SLC20A1: variants seen among roughly 807,000 people sequenced by gnomAD.
The protein encoded by SLC20A1 is sodium-dependent phosphate transporter 1.
Under a neutral mutation model 62.7 loss-of-function variants are expected in SLC20A1, and 28 were observed. The observed-to-expected ratio is 0.45, with a 90% CI of 0.33 to 0.61. The LOEUF (loss-of-function observed/expected upper bound fraction) is 0.61, where lower values mean the gene tolerates loss of function less well. Ranked by LOEUF, SLC20A1 falls within the 20% of genes least tolerant of loss-of-function variation. The pLI is 0.02. For missense variants in SLC20A1, 673 were observed against 838.6 expected, an observed-to-expected ratio of 0.80 and a Z score of 2.44; for synonymous variants, 305 against 302.9, an observed-to-expected ratio of 1.01 and a Z score of -0.07.
chr2:112,651,845 T>C (rs931934219), intron 4 of SLC20A1: 2 of 152,248 alleles, frequency 1.3e-5, no homozygotes, highest in African/African-American at 4.8e-5. Context: ...GCCTTTGCAT[T>C]TGCTGATATC....
chr2:112,646,699 C>A lies in SLC20A1; in HGVS notation c.-130C>A. On this transcript the variant is annotated 5_prime_UTR_variant, in exon 2 of 11. Coordinates refer to ENST00000272542, the MANE Select transcript of SLC20A1 (RefSeq NM_005415.5). ...TAACTCCCCAGCTCGGTTTCTGTGC[C>A]GTAGTTTACAGTATTTAATTTTATA... 2.7e-6 allele frequency: 1 copy of A among 367,080 alleles called. No individual in the cohort carries two copies. Among genetic ancestry groups the A allele is most frequent in the Non-Finnish European group, 4.4e-6 (1 of 225,622 alleles). 22.7% of individuals were successfully genotyped at this position (367,080 alleles called of 1,614,324 possible).
Position 112,663,067 on chromosome 2 carries a change from C to T in SLC20A1, c.*42C>T, listed in dbSNP as rs370981643. 6.7e-5 allele frequency: 107 copies of T among 1,602,984 alleles called. No individual in the cohort carries two copies. Among genetic ancestry groups the T allele is most frequent in the Non-Finnish European group, 8.7e-5 (102 of 1,170,322 alleles). ...AATTTGTGTCAATGTTTGGGACCAT[C>T]TTAGGTATTCCTGCTCCCCTGAAGA... is the stretch of plus-strand genomic sequence containing the variant. On this transcript the variant is annotated 3_prime_UTR_variant, in exon 11 of 11. Transcript: ENST00000272542.
intron 4 of SLC20A1, among the ~76,000 whole-genome samples, chr2:112,650,831 T>G (rs1327716239): frequency 6.6e-6 from 1 of 151,984 alleles, no homozygotes; most frequent in Non-Finnish European, 1.5e-5. Context: ...CTCTGTTGCT[T>G]AAGTTGGTCT....
intron 9 of SLC20A1, chr2:112,660,916 G>T (rs1349497877): frequency 4.0e-6 from 2 of 501,858 alleles, no homozygotes; most frequent in Non-Finnish European, 7.1e-6. Context: ...TTATTTAATA[G>T]TGGGATTCCA....
At chr2:112,659,957 T>A (rs1686702758) in intron 8 of SLC20A1, among the ~76,000 whole-genome samples, 195 bp downstream of exon 8, 1 of 152,250 alleles carries the variant, frequency 6.6e-6, no homozygotes. Context: ...AAAGAATGTT[T>A]ATTTTTGTAG....
In SLC20A1 at chr2:112,659,561, A is replaced by G. The variant is rs769131606; in HGVS notation, c.1406A>G (p.Asn469Ser). The change falls in exon 8 of 11, where the codon AAT (asparagine) becomes AGT (serine). Residue 469 changes from asparagine to serine, a missense_variant. Coordinates refer to ENST00000272542, the MANE Select transcript of SLC20A1 (RefSeq NM_005415.5). ...IRMDSYTSYC[N>S]AVSDLHSASE... ...ATGGACAGTTACACCAGTTACTGCA[A>G]TGCTGTGTCTGACCTTCACTCAGCA... The G allele has an allele frequency of 1.2e-6, 2 of 1,614,250 alleles. No homozygotes were observed. The highest frequency in any genetic ancestry group is 1.1e-5 in the South Asian group (1 of 91,088).
intron 4 of SLC20A1, chr2:112,652,451 A>G (rs1222603812): frequency 5.7e-6 from 3 of 529,000 alleles, no homozygotes; most frequent in South Asian, 2.3e-5. Flanking sequence ...TTTATTCAGG[A>G]TGTTATCAGT....
chr2:112,659,386 C>A lies in SLC20A1; in HGVS notation c.1231C>A (p.Pro411Thr). Reference protein sequence around the residue: ...GDCMGDSGDKPLRRNNSYTSY... With the variant: ...GDCMGDSGDKTLRRNNSYTSY... The stretch of plus-strand genomic sequence containing the variant: ...TTGCATGGGAGACTCCGGTGACAAA[C>A]CCTTAAGGCGCAATAATAGCTATAC... Residue 411 changes from proline to threonine, a missense_variant, in exon 8 of 11, where the codon CCC becomes ACC. Pro to Thr is a conservative substitution (Grantham distance 38, BLOSUM62 -1). Transcript: ENST00000272542. The A allele has an allele frequency of 6.2e-7, 1 of 1,614,148 alleles. No homozygotes were observed. Among genetic ancestry groups the A allele is most frequent in the East Asian group, 2.2e-5 (1 of 44,888 alleles).
intron 1 of SLC20A1, among the ~76,000 whole-genome samples, 196 bp from the exon 2 acceptor site, chr2:112,646,367 G>A (rs1171836206): frequency 6.6e-6 from 1 of 151,890 alleles, no homozygotes; most frequent in Non-Finnish European, 1.5e-5. Flanking sequence ...TGGCAGCGCA[G>A]GGGCTGGGCT....
intron 4 of SLC20A1, among the ~76,000 whole-genome samples, chr2:112,648,206 T>C (rs1686337950): frequency 6.6e-6 from 1 of 152,100 alleles, no homozygotes; most frequent in South Asian, 2.1e-4. Context: ...CTGCCTCCCA[T>C]AGTGACTTGA....
At chr2:112,656,083 T>C (rs1406213358) in intron 5 of SLC20A1, among the ~76,000 whole-genome samples, 1 of 152,124 alleles carries the variant, frequency 6.6e-6, no homozygotes, top group Non-Finnish European at 1.5e-5. Flanking sequence ...TGACTAATAT[T>C]ACTCATTCTT....
intron 6 of SLC20A1, among the ~76,000 whole-genome samples, chr2:112,658,080 T>G (rs1008609851): frequency 6.6e-6 from 1 of 152,248 alleles, no homozygotes; most frequent in Non-Finnish European, 1.5e-5. Flanking sequence ...GGTTCTGTGC[T>G]AGTCTGGCTG....
chr2:112,663,141 G>A lies in SLC20A1; in HGVS notation c.*116G>A. On this transcript the variant is annotated 3_prime_UTR_variant, in exon 11 of 11. Transcript: ENST00000272542. ...CTGACAAGAGTCTTTTTATTTGGGA[G>A]CCAGAGGAGGGAAGTGTTACTTGTG... 1.7e-6 allele frequency: 2 copies of A among 1,191,890 alleles called. No individual in the cohort carries two copies. Among genetic ancestry groups the A allele is most frequent in the Non-Finnish European group, 1.3e-6 (1 of 796,876 alleles). 73.8% of individuals were successfully genotyped at this position (1,191,890 alleles called of 1,614,324 possible).
chr2:112,662,813 A>C lies in SLC20A1; in HGVS notation c.1879-51A>C, dbSNP rs375988314. On this transcript the variant is annotated intron_variant, in intron 10 of 10. Coordinates refer to ENST00000272542, the MANE Select transcript of SLC20A1 (RefSeq NM_005415.5). ...ACAGTCTCAGGTGTCTGTTTGCCAG[A>C]ATACCACTGGCACTTCAATAACCTG... The C allele has an allele frequency of 3.2e-6, 5 of 1,582,788 alleles. No homozygotes were observed. In the African/African-American group the frequency reaches 4.1e-5, roughly 13 times the overall value.
chr2:112,658,865 A>G lies in SLC20A1; in HGVS notation c.819A>G (p.Glu273=). 6.2e-7 allele frequency: 1 copy of G among 1,613,720 alleles called. No homozygotes were observed. The highest frequency in any genetic ancestry group is 2.2e-5 in the East Asian group (1 of 44,878). Reference sequence around the variant, plus strand: ...GTCCTTCTGAAAGCCCCTTAATGGAAAAAAAGAATAGCTTGAAAGAAGACC... The same window carrying G: ...GTCCTTCTGAAAGCCCCTTAATGGAGAAAAAGAATAGCTTGAAAGAAGACC... ...KCSPSESPLM[E]KKNSLKEDHE... Residue 273 remains glutamate (E), a synonymous_variant, in exon 7 of 11, where the codon GAA becomes GAG. Coordinates refer to ENST00000272542, the MANE Select transcript of SLC20A1 (RefSeq NM_005415.5).
rs191061203 is a variant in SLC20A1 at position 112,647,970 on chromosome 2, G to A, written c.561+232G>A. Among the ~76,000 whole-genome samples, 11 of 152,324 alleles carry A rather than the reference G, an allele frequency of 7.2e-5. No homozygotes were observed. The East Asian group carries it at 1.9e-3, about 27-fold the overall frequency. On this transcript the variant is annotated intron_variant, in intron 4 of 10. Coordinates refer to ENST00000272542, the MANE Select transcript of SLC20A1 (RefSeq NM_005415.5). Reference sequence around the variant, plus strand: ...ATTGAATACTATGATGTGCCAAGAAGTAGGAGAAACTGGGAGCAAAAAAAT... The same window carrying A: ...ATTGAATACTATGATGTGCCAAGAAATAGGAGAAACTGGGAGCAAAAAAAT...
At position 112,646,925 on chromosome 2, in the gene SLC20A1, T is replaced by A; in HGVS notation, c.97T>A (p.Phe33Ile). Residue 33 changes from phenylalanine (F) to isoleucine (I), a missense_variant, in exon 2 of 11, where the codon TTT becomes ATT. Physicochemically the swap from Phe to Ile is conservative, Grantham distance 21 (BLOSUM62 0). Transcript: ENST00000272542. ...WMLILGFIIA[F>I]VLAFSVGAND... ...GCTCATCCTGGGCTTCATTATTGCA[T>A]TTGTCTTGGCATTCTCCGTGGGAGC... is the stretch of plus-strand genomic sequence containing the variant. The A allele has an allele frequency of 6.2e-7, 1 of 1,614,042 alleles. No homozygotes were observed. The highest frequency in any genetic ancestry group is 8.5e-7 in the Non-Finnish European group (1 of 1,179,982).
chr2:112,655,568 T>TCTTGCTGTGTTGCCCAGGCTGGC (rs1686562318), intron 5 of SLC20A1, among the ~76,000 whole-genome samples: 2 of 150,566 alleles, frequency 1.3e-5, no homozygotes, highest in Admixed American at 6.7e-5. Flanking sequence ...AGGGATGGGG[T>TCTTGCTGTGTTGCCCAGGCTGGC]CTTGCTGTGT....
At chr2:112,654,626 G>T (rs1006955135) in intron 5 of SLC20A1, among the ~76,000 whole-genome samples, 3 of 152,108 alleles carry the variant, frequency 2.0e-5, no homozygotes, top group African/African-American at 7.2e-5. Flanking sequence ...GCCGGGCGCG[G>T]TGGCTCATGC....
Sources: gnomAD v4.1 joint callset for allele counts (sites outside exome capture counted in the v4.1 genomes callset) on GRCh38, gnomAD v4.1.1 for gene constraint, MANE v1.5 for transcripts, NCBI Gene and HGNC (gene_info 2026-07-23, HGNC 2026-07-21) for gene names.